Variants in AFMID observed in about 807,000 individuals in gnomAD.
The protein encoded by AFMID is arylformamidase.
AFMID carries 39 observed loss-of-function variants against 47.5 expected under a neutral mutation model. The observed-to-expected ratio is 0.82, with a 90% CI of 0.64 to 1.07. AFMID has a LOEUF of 1.07. Among genes scored for constraint, AFMID ranks in the 50% least tolerant of loss-of-function variants. The probability of loss-of-function intolerance (pLI) is 0.00; values close to 1 mark genes in which losing one functional copy is unlikely to be tolerated. For missense variants in AFMID, 375 were observed against 387.5 expected, an observed-to-expected ratio of 0.97 and a Z score of 0.27; for synonymous variants, 130 against 153.2, an observed-to-expected ratio of 0.85 and a Z score of 1.12.
chr17:78,195,711 A>G (rs1204521272), intron 2 of AFMID, among the ~76,000 whole-genome samples: 1 of 151,144 alleles, frequency 6.6e-6, no homozygotes, highest in East Asian at 2.0e-4. Flanking sequence ...CATGTTGGTC[A>G]GGCTGGTCTG....
chr17:78,206,501 G>A (rs2076386361), intron 10 of AFMID, among the ~76,000 whole-genome samples: 1 of 151,602 alleles, frequency 6.6e-6, no homozygotes, highest in African/African-American at 2.4e-5. Flanking sequence ...CTGCCTCCTG[G>A]GCTCAAGTGG....
At chr17:78,191,984 C>T (rs1457579882) in intron 2 of AFMID, among the ~76,000 whole-genome samples, 1 of 146,678 alleles carries the variant, frequency 6.8e-6, no homozygotes, top group African/African-American at 2.5e-5. Context: ...TCGTGCCTGG[C>T]CGCCTTTTCT....
At chr17:78,202,471 G>A (rs1481311172) in intron 2 of AFMID, 28 bp from the exon 3 acceptor site, 6 of 1,606,958 alleles carry the variant, frequency 3.7e-6, no homozygotes, top group Non-Finnish European at 5.1e-6. Flanking sequence ...AGCTTGTGCT[G>A]ACAGCGACTT....
chr17:78,193,407 C>T (rs1254302160), intron 2 of AFMID, among the ~76,000 whole-genome samples: 1 of 139,488 alleles, frequency 7.2e-6, no homozygotes, highest in Admixed American at 7.2e-5. Flanking sequence ...AAGCTGTAAG[C>T]AAACCTATTT....
intron 1 of AFMID, among the ~76,000 whole-genome samples, chr17:78,188,595 A>AT (rs200662176): frequency 1.2e-3 from 163 of 139,502 alleles, no homozygotes; most frequent in Middle Eastern, 3.7e-3. Context: ...TGCCTGGCTA[A>AT]TTTTTTTTTT....
At chr17:78,197,372 T>C in intron 2 of AFMID, 1 of 637,680 alleles carries the variant, frequency 1.6e-6, no homozygotes, top group East Asian at 2.9e-5. Context: ...TGGTAATGGA[T>C]GTACAAAGCT....
chr17:78,191,837 A>T (rs184280684), intron 2 of AFMID, among the ~76,000 whole-genome samples: 1 of 149,292 alleles, frequency 6.7e-6, no homozygotes, highest in Admixed American at 6.7e-5. Flanking sequence ...CTATAGGCGC[A>T]CCTCTCCACA....
intron 10 of AFMID, 90 bp from the exon 11 acceptor site, chr17:78,206,821 T>A (rs909257724): frequency 1.6e-5 from 23 of 1,462,196 alleles, no homozygotes; most frequent in Non-Finnish European, 2.0e-5. Flanking sequence ...CGTGAGCCAC[T>A]GCATCCAGCC....
intron 7 of AFMID, 88 bp downstream of exon 7, chr17:78,205,278 C>T: frequency 6.8e-7 from 1 of 1,461,710 alleles, no homozygotes; most frequent in East Asian, 2.3e-5. Context: ...ATCCTCCCGG[C>T]CATGAGTGGC....
At chr17:78,189,622 G>C (rs979100613) in intron 1 of AFMID, among the ~76,000 whole-genome samples, 7 of 150,860 alleles carry the variant, frequency 4.6e-5, no homozygotes, top group Non-Finnish European at 1.5e-5. Context: ...GGGCTCAAGC[G>C]ATTCTCCTGC....
intron 2 of AFMID, among the ~76,000 whole-genome samples, chr17:78,195,654 C>T (rs967762304): frequency 1.3e-5 from 2 of 151,916 alleles, no homozygotes; most frequent in Admixed American, 6.6e-5. Context: ...AGGCGTGCGC[C>T]ACCACGTCCA....
At chr17:78,195,938 C>T (rs2076100673) in intron 2 of AFMID, among the ~76,000 whole-genome samples, 1 of 152,040 alleles carries the variant, frequency 6.6e-6, no homozygotes, top group Admixed American at 6.6e-5. Flanking sequence ...CTCCGCCTCC[C>T]AGGTTCACGC....
chr17:78,202,424 G>A (rs957145692), intron 2 of AFMID, 75 bp from the exon 3 acceptor site: 40 of 1,456,022 alleles, frequency 2.7e-5, no homozygotes, highest in South Asian at 1.7e-4. Context: ...GTGAGACTTC[G>A]TCTCAAAAAA....
At position 78,204,811 on chromosome 17, in the gene AFMID, T is replaced by C. The variant is rs1219644223; in HGVS notation, c.395-17T>C. On this transcript the variant is annotated splice_polypyrimidine_tract_variant and intron_variant, in intron 5 of 10. Transcript: ENST00000409257. ...GGAGGAAGTGCATCCCTGACCCAGCTCATGCTCTCTGTGCAGGCACCCTGG... is the reference window on the plus strand; with the variant it reads ...GGAGGAAGTGCATCCCTGACCCAGCCCATGCTCTCTGTGCAGGCACCCTGG... The C allele has an allele frequency of 2.5e-6, 4 of 1,614,178 alleles. No homozygotes were observed. Among genetic ancestry groups the C allele is most frequent in the African/African-American group, 1.3e-5 (1 of 75,040 alleles).
At chr17:78,200,146 TTTTGG>T (rs886588993) in intron 2 of AFMID, among the ~76,000 whole-genome samples, 4 of 151,984 alleles carry the variant, frequency 2.6e-5, no homozygotes, top group Non-Finnish European at 4.4e-5. Flanking sequence ...GTGTGTTTTG[TTTTGG>T]TTTGGTTTGG....
At chr17:78,205,918 C>T (rs1295768690) in intron 9 of AFMID, 28 bp from the exon 10 acceptor site, 2 of 1,609,942 alleles carry the variant, frequency 1.2e-6, no homozygotes, top group East Asian at 2.2e-5. Flanking sequence ...ACTGCTCAGG[C>T]CCCTCTTCCC....
chr17:78,189,663 T>G (rs2075907444), intron 1 of AFMID, among the ~76,000 whole-genome samples: 1 of 150,904 alleles, frequency 6.6e-6, no homozygotes, highest in Non-Finnish European at 1.5e-5. Context: ...GGACTACAGG[T>G]GTCCACCACC....
intron 2 of AFMID, 118 bp downstream of exon 2, chr17:78,191,178 C>T: frequency 1.2e-6 from 1 of 847,100 alleles, no homozygotes; most frequent in Non-Finnish European, 1.9e-6. Flanking sequence ...GGGCATTTCC[C>T]AAACACCAGG....
intron 1 of AFMID, among the ~76,000 whole-genome samples, chr17:78,189,979 G>A (rs1184725525): frequency 1.3e-5 from 2 of 151,012 alleles, no homozygotes; most frequent in African/African-American, 2.4e-5. Flanking sequence ...TTACAGGCGC[G>A]CGTCACCATG....
Sources: allele counts gnomAD v4.1 joint callset (sites outside exome capture counted in the v4.1 genomes callset), GRCh38; gene constraint gnomAD v4.1.1; transcripts MANE v1.5; gene names NCBI Gene and HGNC (gene_info 2026-07-23, HGNC 2026-07-21).